PAPPA: variants seen among roughly 807,000 people sequenced by gnomAD.
PAPPA encodes pappalysin 1.
In PAPPA, 60 loss-of-function variants were observed where a neutral mutation model predicts 164.0. The ratio of observed to expected loss-of-function variants is 0.37; its 90% CI spans 0.30 to 0.45. The LOEUF is 0.45. Ranked by LOEUF, PAPPA falls within the 20% of genes least tolerant of loss-of-function variation. The pLI is 1.00. For missense variants in PAPPA, 1,782 were observed against 2,087.3 expected, an observed-to-expected ratio of 0.85 and a Z score of 2.85; for synonymous variants, 875 against 814.1, an observed-to-expected ratio of 1.07 and a Z score of -1.27.
intron 7 of PAPPA, among the ~76,000 whole-genome samples, chr9:116,265,469 G>T (rs1845056141): frequency 6.6e-6 from 1 of 152,130 alleles, no homozygotes. Context: ...ATCTGATGTG[G>T]TGCTTTCCCA....
intron 2 of PAPPA, among the ~76,000 whole-genome samples, chr9:116,197,993 A>G (rs899111612): frequency 6.6e-6 from 1 of 152,210 alleles, no homozygotes; most frequent in Non-Finnish European, 1.5e-5. Flanking sequence ...TGTTCCTAAA[A>G]CATTGACTGC....
chr9:116,188,193 C>T lies in PAPPA; in HGVS notation c.1455C>T (p.Cys485=). The T allele has an allele frequency of 2.5e-6, 4 of 1,611,764 alleles. No individual in the cohort carries two copies. Among genetic ancestry groups the T allele is most frequent in the Middle Eastern group, 3.3e-4 (2 of 6,050 alleles). Residue 485 remains cysteine, a synonymous_variant, in exon 2 of 22, where the codon TGC becomes TGT. Transcript: ENST00000328252. The part of the protein sequence containing the change: ...DPEITNVTQT[C]FDPDSPHRAY... The stretch of plus-strand genomic sequence containing the variant: ...AAATCACCAATGTCACTCAGACTTG[C>T]TTTGACCCCGACTCTCCACACAGGT...
chr9:116,256,930 G>GATTT (rs1554744440), intron 7 of PAPPA, among the ~76,000 whole-genome samples: 1 of 148,822 alleles, frequency 6.7e-6, no homozygotes, highest in Non-Finnish European at 1.5e-5. Flanking sequence ...ATTTTTTAAA[G>GATTT]TTTTTTTTTT....
intron 21 of PAPPA, among the ~76,000 whole-genome samples, chr9:116,392,773 A>G (rs150193158): frequency 7.5e-4 from 114 of 152,286 alleles, no homozygotes; most frequent in African/African-American, 2.7e-3. Flanking sequence ...ACATGACTTC[A>G]CTGACTCCTC....
chr9:116,187,561 C>G lies in PAPPA; in HGVS notation c.823C>G (p.His275Asp). ...QREILSDMET[H>D]GAHTALPQLL... is the part of the protein sequence containing the mutation. ...GGAGATACTGTCTGACATGGAAACC[C>G]ATGGCGCCCACACTGCTCTACCTCA... Residue 275 changes from histidine (H) to aspartate (D), a missense_variant, in exon 2 of 22, where the codon CAT (histidine) becomes GAT (aspartate). Coordinates refer to ENST00000328252, the MANE Select transcript of PAPPA (RefSeq NM_002581.5). This position sits in a 1 kb window ranked among gnomAD's most constrained non-coding sequence, Gnocchi z 4.2. The G allele has an allele frequency of 6.2e-7, 1 of 1,614,220 alleles. No individual in the cohort carries two copies. Among genetic ancestry groups the G allele is most frequent in the South Asian group, 1.1e-5 (1 of 91,084 alleles).
Position 116,400,440 on chromosome 9 carries a change from G to A in PAPPA, c.*3824G>A, listed in dbSNP as rs1018837010. ...TGGGCATTTTGTTTATTTGTTTGGT[G>A]GCAATCAGTGGTAGTAGGGAGTGGG... On this transcript the variant is annotated 3_prime_UTR_variant, in exon 22 of 22. Coordinates refer to ENST00000328252, the MANE Select transcript of PAPPA (RefSeq NM_002581.5). 2 of 152,040 alleles carry A rather than the reference G, an allele frequency of 1.3e-5. No individual in the cohort carries two copies. Among genetic ancestry groups the A allele is most frequent in the African/African-American group, 4.8e-5 (2 of 41,394 alleles). The allele number at this position is 152,040 out of a possible 1,614,324, so 9.4% of individuals were successfully genotyped here.
chr9:116,247,073 A>T (rs1450802010), intron 7 of PAPPA, among the ~76,000 whole-genome samples: 1 of 152,122 alleles, frequency 6.6e-6, no homozygotes, highest in African/African-American at 2.4e-5. Flanking sequence ...ACCTTGGGGA[A>T]GGAGATGATG....
At chr9:116,178,159 T>A (rs531620404) in intron 1 of PAPPA, among the ~76,000 whole-genome samples, 1 of 152,370 alleles carries the variant, frequency 6.6e-6, no homozygotes, top group Admixed American at 6.5e-5. Flanking sequence ...CAGGCTGGAA[T>A]GCAGTGGCGC....
chr9:116,376,704 G>A (rs910760210), intron 19 of PAPPA, among the ~76,000 whole-genome samples: 5 of 152,090 alleles, frequency 3.3e-5, no homozygotes, highest in African/African-American at 4.8e-5. Context: ...TCTGCCTAAC[G>A]GGGCTAGGAA....
At position 116,398,050 on chromosome 9, in the gene PAPPA, A is replaced by T. The variant is rs886494793; in HGVS notation, c.*1434A>T. The T allele has an allele frequency of 6.5e-6, 1 of 152,846 alleles. No homozygotes were observed. The highest frequency in any genetic ancestry group is 2.4e-5 in the African/African-American group (1 of 41,438). The allele number at this position is 152,846 out of a possible 1,614,324, so 9.5% of individuals were successfully genotyped here. A position where few individuals can be genotyped will look rare whatever the true frequency, so the allele number is the denominator to read the frequency against. On this transcript the variant is annotated 3_prime_UTR_variant, in exon 22 of 22. Transcript: ENST00000328252. Reference sequence around the variant, plus strand: ...TTTCTATATGGTTTTTCCAGCTAGCAGTACTCCCTTCCATACCTGTGACTG... The same window carrying T: ...TTTCTATATGGTTTTTCCAGCTAGCTGTACTCCCTTCCATACCTGTGACTG...
In PAPPA at chr9:116,306,978, A is replaced by G. The variant is rs539655393; in HGVS notation, c.3147+4028A>G. On this transcript the variant is annotated intron_variant, in intron 10 of 21. Transcript: ENST00000328252. ...TTATTTCCTTAATCCTTTGAGGGTAAAACTTAGACTAAGCATTTCAAGGGG... is the reference window on the plus strand; with the variant it reads ...TTATTTCCTTAATCCTTTGAGGGTAGAACTTAGACTAAGCATTTCAAGGGG... Among the ~76,000 whole-genome samples, 4 of 152,346 alleles carry G rather than the reference A, an allele frequency of 2.6e-5. No homozygotes were observed. In the South Asian group the frequency reaches 8.3e-4, roughly 32 times the overall value.
chr9:116,313,300 C>G (rs1845746485), intron 10 of PAPPA, among the ~76,000 whole-genome samples: 1 of 152,074 alleles, frequency 6.6e-6, no homozygotes, highest in Non-Finnish European at 1.5e-5. Context: ...CCTGCCCACC[C>G]CAGAATCCTT....
At chr9:116,359,313 C>A (rs771079524) in intron 17 of PAPPA, among the ~76,000 whole-genome samples, 8 of 152,222 alleles carry the variant, frequency 5.3e-5, no homozygotes, top group Non-Finnish European at 1.0e-4. Flanking sequence ...ATGCCTTCAG[C>A]TCTCCGTGGA....
intron 2 of PAPPA, among the ~76,000 whole-genome samples, chr9:116,190,274 G>A: frequency 6.6e-6 from 1 of 152,138 alleles, no homozygotes; most frequent in East Asian, 1.9e-4. Flanking sequence ...GAGTGGGCGT[G>A]GGGTAGGATG....
intron 9 of PAPPA, chr9:116,287,139 T>C (rs1242481476): frequency 6.6e-6 from 1 of 152,202 alleles, no homozygotes; most frequent in Non-Finnish European, 1.5e-5. Flanking sequence ...TCATTGTCTG[T>C]AAAATGGGGA....
intron 2 of PAPPA, among the ~76,000 whole-genome samples, chr9:116,194,701 A>G (rs1408127736): frequency 6.6e-5 from 10 of 152,144 alleles, no homozygotes; most frequent in Admixed American, 6.5e-4. Flanking sequence ...TGTGTGAGAC[A>G]CCTGGTATGG....
rs1846966796 is a variant in PAPPA, at chr9:116,396,574, A to G, written c.4842A>G (p.Gln1614=). The G allele has an allele frequency of 1.3e-6, 1 of 780,908 alleles. No homozygotes were observed. The highest frequency in any genetic ancestry group is 2.4e-6 in the Non-Finnish European group (1 of 418,026). The allele number at this position is 780,908 out of a possible 1,614,324, so 48.4% of individuals were successfully genotyped here. A position where few individuals can be genotyped will look rare whatever the true frequency, so the allele number is the denominator to read the frequency against. ...GTGCTTGTCGGGACCCCCAGGCCCA[A>G]GAACACAGCCGGAAAGACCTCCGGG... ...GDCACRDPQA[Q]EHSRKDLRGY... is the part of the protein sequence containing the mutation. Residue 1614 remains glutamine (Q), a synonymous_variant, in exon 22 of 22, where the codon CAA becomes CAG. Coordinates refer to ENST00000328252, the MANE Select transcript of PAPPA (RefSeq NM_002581.5).
intron 10 of PAPPA, among the ~76,000 whole-genome samples, chr9:116,327,489 C>A (rs145311913): frequency 1.3e-5 from 2 of 151,910 alleles, no homozygotes; most frequent in Non-Finnish European, 2.9e-5. Flanking sequence ...CCCTAGAATG[C>A]GTGATATAAC....
intron 14 of PAPPA, 81 bp from the exon 15 acceptor site, chr9:116,346,945 C>A: frequency 8.3e-7 from 1 of 1,211,150 alleles, no homozygotes; most frequent in Non-Finnish European, 1.2e-6. Flanking sequence ...GACTCTGAGC[C>A]GTCACCTTGG....
Sources: allele counts gnomAD v4.1 joint callset (sites outside exome capture counted in the v4.1 genomes callset), GRCh38; gene constraint gnomAD v4.1.1; non-coding constraint Gnocchi (gnomAD v3.1); transcripts MANE v1.5; gene names NCBI Gene and HGNC (gene_info 2026-07-23, HGNC 2026-07-21).